The following NTRK3 variants were observed in gnomAD, a reference collection of about 807,000 sequenced individuals.
NTRK3 encodes the protein neurotrophic receptor tyrosine kinase 3.
Under a neutral mutation model 91.7 loss-of-function variants are expected in NTRK3, and 24 were observed. The observed-to-expected ratio is 0.26, with a 90% confidence interval of 0.19 to 0.37. The LOEUF (loss-of-function observed/expected upper bound fraction) is 0.37, where lower values mean the gene tolerates loss of function less well. Among genes scored for constraint, NTRK3 ranks in the 10% least tolerant of loss-of-function variants. The pLI is 1.00. For synonymous variants in NTRK3, 483 were observed against 404.0 expected (o/e 1.20, Z -2.34); for missense variants, 880 against 1,068.9 (o/e 0.82, Z 2.46).
At chr15:88,232,677 T>C (rs2141754523) in intron 3 of NTRK3, among the ~76,000 whole-genome samples, 1 of 152,286 alleles carries the variant, frequency 6.6e-6, no homozygotes, top group Admixed American at 6.5e-5. Context: ...TGATTTGCAG[T>C]AAACTGAACC....
chr15:87,938,885 G>A (rs147746455), intron 15 of NTRK3, among the ~76,000 whole-genome samples: 91 of 152,276 alleles, frequency 6.0e-4, no homozygotes, highest in African/African-American at 2.1e-3. Context: ...CAGGCACACT[G>A]AGCAAGTTTA....
intron 6 of NTRK3, among the ~76,000 whole-genome samples, chr15:88,142,387 G>A (rs1048452803): frequency 2.0e-5 from 3 of 152,246 alleles, no homozygotes; most frequent in Non-Finnish European, 4.4e-5. Flanking sequence ...CTAATCGCAG[G>A]GCTCTGATGG....
chr15:87,960,589 A>G (rs1398355400), intron 14 of NTRK3, among the ~76,000 whole-genome samples: 1 of 151,576 alleles, frequency 6.6e-6, no homozygotes, highest in East Asian at 1.9e-4. Context: ...GGTTCAAGGG[A>G]TTCTCCTGCC....
intron 3 of NTRK3, among the ~76,000 whole-genome samples, chr15:88,186,309 T>C (rs1327273429): frequency 6.6e-6 from 1 of 152,194 alleles, no homozygotes; most frequent in Non-Finnish European, 1.5e-5. Flanking sequence ...GGTTGAGTTG[T>C]CAATCATTAC....
At chr15:88,023,021 T>C (rs2077716852) in intron 14 of NTRK3, among the ~76,000 whole-genome samples, 1 of 152,176 alleles carries the variant, frequency 6.6e-6, no homozygotes, top group South Asian at 2.1e-4. Context: ...GAAAGTCTAG[T>C]GTTTTCAATT....
intron 14 of NTRK3, among the ~76,000 whole-genome samples, chr15:88,023,881 T>G (rs1490993022): frequency 6.6e-6 from 1 of 152,222 alleles, no homozygotes; most frequent in African/African-American, 2.4e-5. Context: ...TTGCCTCTGT[T>G]ACTGGTTCCA....
chr15:88,142,011 GAC>G (rs1405390289), intron 6 of NTRK3, among the ~76,000 whole-genome samples: 1 of 152,174 alleles, frequency 6.6e-6, no homozygotes, highest in East Asian at 1.9e-4. Flanking sequence ...AAGAGAACAA[GAC>G]ACACACACAG....
intron 5 of NTRK3, among the ~76,000 whole-genome samples, chr15:88,150,369 A>C (rs1023655497): frequency 6.6e-6 from 1 of 152,252 alleles, no homozygotes; most frequent in African/African-American, 2.4e-5. Flanking sequence ...GGATTCTGAA[A>C]GAAAGAAAAT....
chr15:88,085,438 A>G (rs1328431245), intron 13 of NTRK3, among the ~76,000 whole-genome samples: 1 of 152,164 alleles, frequency 6.6e-6, no homozygotes, highest in Non-Finnish European at 1.5e-5. Context: ...TTGCATGCCT[A>G]CCATCTGCCA....
intron 3 of NTRK3, among the ~76,000 whole-genome samples, chr15:88,185,858 A>G (rs994862907): frequency 6.6e-6 from 1 of 152,186 alleles, no homozygotes; most frequent in Admixed American, 6.5e-5. Flanking sequence ...ACACGGTGAC[A>G]AGGTATGCTG....
intron 13 of NTRK3, among the ~76,000 whole-genome samples, chr15:88,097,681 G>A (rs2049760455): frequency 6.6e-6 from 1 of 152,176 alleles, no homozygotes; most frequent in Non-Finnish European, 1.5e-5. Context: ...TAAAAAGACA[G>A]ATTTACTTGG....
intron 13 of NTRK3, among the ~76,000 whole-genome samples, chr15:88,058,926 G>A (rs2045960893): frequency 6.6e-6 from 1 of 152,180 alleles, no homozygotes; most frequent in African/African-American, 2.4e-5. Context: ...AGAGAAAAAT[G>A]TGGTACTCTA....
chr15:88,254,688 T>C (rs907186286), intron 3 of NTRK3, among the ~76,000 whole-genome samples: 12 of 152,104 alleles, frequency 7.9e-5, no homozygotes, highest in African/African-American at 2.4e-4. Context: ...CCGGCCCCCT[T>C]AAGTCCGTCG....
intron 13 of NTRK3, among the ~76,000 whole-genome samples, chr15:88,041,707 A>C (rs2142140041): frequency 6.6e-6 from 1 of 151,140 alleles, no homozygotes; most frequent in Non-Finnish European, 1.5e-5. Context: ...AGCAGTTGTG[A>C]TTGGTGGGGG....
intron 17 of NTRK3, among the ~76,000 whole-genome samples, chr15:87,889,120 A>G (rs2065714625): frequency 6.6e-6 from 1 of 152,074 alleles, no homozygotes; most frequent in African/African-American, 2.4e-5. Flanking sequence ...CCCTATAAAC[A>G]CAGCTCTGCT....
intron 13 of NTRK3, among the ~76,000 whole-genome samples, chr15:88,074,207 C>G (rs1434842147): frequency 6.6e-6 from 1 of 152,224 alleles, no homozygotes; most frequent in African/African-American, 2.4e-5. Context: ...GTATTATACT[C>G]AAAGTCATAC....
intron 5 of NTRK3, among the ~76,000 whole-genome samples, chr15:88,153,406 C>T (rs956584523): frequency 3.3e-5 from 5 of 152,028 alleles, no homozygotes; most frequent in African/African-American, 1.2e-4. Flanking sequence ...CCACTCCCAG[C>T]TAATTTTTTG....
At position 88,007,415 on chromosome 15, in the gene NTRK3, G is replaced by T. The variant is rs2076570583; in HGVS notation, c.1585+25442C>A. On this transcript the variant is annotated intron_variant, in intron 14 of 18. Coordinates refer to ENST00000394480, the Ensembl canonical transcript of NTRK3. ...TGGGTCCCCAAAAAGATGATTCTTG[G>T]GCCAGGATAGGACAACCTTTTTCAC... Among the ~76,000 whole-genome samples, 2 of 152,100 alleles carry T rather than the reference G, an allele frequency of 1.3e-5. 1 individual carries two copies. The highest frequency in any genetic ancestry group is 1.3e-4 in the Admixed American group (2 of 15,266).
At chr15:87,914,176 T>C (rs2067286107) in intron 17 of NTRK3, among the ~76,000 whole-genome samples, 1 of 151,906 alleles carries the variant, frequency 6.6e-6, no homozygotes, top group South Asian at 2.1e-4. Flanking sequence ...CCACATGGAC[T>C]AGCTCACTGA....
Sources: gnomAD v4.1 joint callset for allele counts (sites outside exome capture counted in the v4.1 genomes callset) on GRCh38, gnomAD v4.1.1 for gene constraint, MANE v1.5 for transcripts, NCBI Gene and HGNC (gene_info 2026-07-23, HGNC 2026-07-21) for gene names.